The following PRKN variants were observed in gnomAD, a reference collection of about 807,000 sequenced individuals.
PRKN encodes parkin RBR E3 ubiquitin protein ligase.
PRKN carries 56 observed loss-of-function variants against 59.5 expected under a neutral mutation model. The ratio of observed to expected loss-of-function variants is 0.94; its 90% confidence interval spans 0.76 to 1.18. The LOEUF (loss-of-function observed/expected upper bound fraction) is 1.18, where lower values mean the gene tolerates loss of function less well. PRKN is among the 50% of genes most tolerant of loss of function. The pLI, the probability that PRKN is intolerant of heterozygous loss-of-function variation, is 0.00. For missense variants in PRKN, 657 were observed against 596.4 expected (o/e 1.10, Z -1.06); for synonymous variants, 250 against 222.1 (o/e 1.13, Z -1.12).
chr6:161,756,972 A>G (rs1184061984), intron 7 of PRKN, among the ~76,000 whole-genome samples: 2 of 152,216 alleles, frequency 1.3e-5, no homozygotes, highest in African/African-American at 4.8e-5. Flanking sequence ...ACAAAGGTGC[A>G]AGATCAGTTC....
intron 2 of PRKN, among the ~76,000 whole-genome samples, chr6:162,278,077 T>A (rs983432202): frequency 2.6e-5 from 4 of 152,132 alleles, no homozygotes; most frequent in Non-Finnish European, 5.9e-5. Flanking sequence ...CATGGAAAAT[T>A]ATTGAGCACT....
chr6:162,113,102 G>A (rs1583050766), intron 4 of PRKN, among the ~76,000 whole-genome samples: 1 of 152,174 alleles, frequency 6.6e-6, no homozygotes, highest in African/African-American at 2.4e-5. Context: ...GTGGACAAAT[G>A]ATCTGACATC....
At chr6:161,964,527 T>G (rs140607267) in intron 6 of PRKN, among the ~76,000 whole-genome samples, 321 of 152,148 alleles carry the variant, frequency 2.1e-3, no homozygotes, top group Non-Finnish European at 3.2e-3. Flanking sequence ...CTAGAAGATA[T>G]ATCTTTGAAG....
intron 2 of PRKN, among the ~76,000 whole-genome samples, chr6:162,317,329 T>C (rs2128120195): frequency 6.6e-6 from 1 of 152,118 alleles, no homozygotes; most frequent in South Asian, 2.1e-4. Context: ...GTTTTATAAA[T>C]GTGAGTTCCC....
At position 161,349,188 on chromosome 6, in the gene PRKN, G is replaced by A. The variant is rs996187483; in HGVS notation, c.*911C>T. ...TATCATTTTGAAATCATTTCTAAACGTGTTTCCTTTATAGGCACTTTATCT... is the reference window on the plus strand; with the variant it reads ...TATCATTTTGAAATCATTTCTAAACATGTTTCCTTTATAGGCACTTTATCT... On this transcript the variant is annotated 3_prime_UTR_variant, in exon 12 of 12. Transcript: ENST00000366898. This position sits in a 1 kb window ranked among gnomAD's most constrained non-coding sequence, Gnocchi z 5.5. The A allele has an allele frequency of 1.8e-5, 4 of 220,272 alleles. No individual in the cohort carries two copies. The highest frequency in any genetic ancestry group is 3.6e-5 in the Non-Finnish European group (4 of 110,174). The allele number at this position is 220,272 out of a possible 1,614,324, so 13.6% of individuals were successfully genotyped here. A position where few individuals can be genotyped will look rare whatever the true frequency, so the allele number is the denominator to read the frequency against.
intron 7 of PRKN, among the ~76,000 whole-genome samples, chr6:161,712,403 T>C (rs1396307446): frequency 6.6e-6 from 1 of 152,138 alleles, no homozygotes; most frequent in Non-Finnish European, 1.5e-5. Flanking sequence ...TTCCGTATCT[T>C]AGCTCTTAAT....
In PRKN at chr6:162,021,165, T is replaced by TAAAA. The variant is rs1449469319; in HGVS notation, c.618+32922_618+32925dup. Among the ~76,000 whole-genome samples, 3 of 31,378 alleles carry TAAAA rather than the reference T, an allele frequency of 9.6e-5. No individual in the cohort carries two copies. In the East Asian group the frequency reaches 1.1e-3, roughly 12 times the overall value. The allele number at this position is 31,378 out of a possible 152,430, so 20.6% of individuals were successfully genotyped here. ...ATATATATATATATATATATATATA[T>TAAAA]AAAATATATGTGTATATATATTATA... On this transcript the variant is annotated intron_variant, in intron 5 of 11. Coordinates refer to ENST00000366898, the MANE Select transcript of PRKN (RefSeq NM_004562.3).
chr6:162,030,430 T>C (rs772947350), intron 5 of PRKN, among the ~76,000 whole-genome samples: 25 of 152,232 alleles, frequency 1.6e-4, no homozygotes, highest in Non-Finnish European at 3.4e-4. Context: ...GCTGGTCTTC[T>C]TAATGTCACT....
At chr6:162,083,380 C>A (rs983554077) in intron 4 of PRKN, among the ~76,000 whole-genome samples, 3 of 151,954 alleles carry the variant, frequency 2.0e-5, no homozygotes, top group African/African-American at 2.4e-5. Context: ...ATAGACTTGC[C>A]GCTCAATACC....
chr6:162,215,161 C>T (rs540730462), intron 3 of PRKN, among the ~76,000 whole-genome samples: 4 of 152,334 alleles, frequency 2.6e-5, no homozygotes, highest in African/African-American at 9.6e-5. Context: ...TCGTAAGCTA[C>T]ATTCTATCTC....
intron 1 of PRKN, among the ~76,000 whole-genome samples, chr6:162,691,937 C>CAGA (rs1777789287): frequency 6.6e-6 from 1 of 151,760 alleles, no homozygotes; most frequent in Non-Finnish European, 1.5e-5. Context: ...ATCAGGCTTT[C>CAGA]ATGTAAATAG....
chr6:161,806,227 G>C (rs1791313933), intron 6 of PRKN, among the ~76,000 whole-genome samples: 1 of 152,176 alleles, frequency 6.6e-6, no homozygotes, highest in African/African-American at 2.4e-5. Context: ...AGACACCAAA[G>C]TAGTGAAGCA....
At chr6:161,709,130 G>A (rs1414233528) in intron 7 of PRKN, among the ~76,000 whole-genome samples, 4 of 152,090 alleles carry the variant, frequency 2.6e-5, no homozygotes, top group Non-Finnish European at 4.4e-5. Flanking sequence ...ATATAAAGAG[G>A]CATTTATAAA....
rs368754770 is a variant in PRKN at position 161,770,230 on chromosome 6, C to A, written c.871+15542G>T. ...CTTTTGGGAAGGCTGGAGGACAAGG[C>A]GTGTCTTAGGAACACCCAGTAGCTT... On this transcript the variant is annotated intron_variant, in intron 7 of 11. Coordinates refer to ENST00000366898, the MANE Select transcript of PRKN (RefSeq NM_004562.3). Among the ~76,000 whole-genome samples the A allele has an allele frequency of 1.2e-3, 183 of 152,178 alleles. 6 individuals carry two copies. The South Asian group carries it at 0.037, about 31-fold the overall frequency.
At chr6:162,514,228 C>G (rs1777749874) in intron 1 of PRKN, among the ~76,000 whole-genome samples, 1 of 151,508 alleles carries the variant, frequency 6.6e-6, no homozygotes, top group South Asian at 2.1e-4. Flanking sequence ...TCTTTCAAAC[C>G]CTCTTGGTTG....
At chr6:162,529,857 T>C (rs1290162865) in intron 1 of PRKN, among the ~76,000 whole-genome samples, 1 of 152,150 alleles carries the variant, frequency 6.6e-6, no homozygotes, top group Non-Finnish European at 1.5e-5. Context: ...AAGCTGGGCG[T>C]GGTGGCTCAT....
intron 7 of PRKN, among the ~76,000 whole-genome samples, chr6:161,775,482 G>C (rs111922133): frequency 6.6e-6 from 1 of 152,112 alleles, no homozygotes; most frequent in Non-Finnish European, 1.5e-5. Flanking sequence ...AGGCTTAAGT[G>C]ATTCACGTAG....
intron 6 of PRKN, among the ~76,000 whole-genome samples, chr6:161,943,685 G>C (rs1405572954): frequency 6.6e-6 from 1 of 150,986 alleles, no homozygotes; most frequent in African/African-American, 2.4e-5. Context: ...GCATCAGCCT[G>C]AGGAAATACC....
chr6:161,876,267 T>A (rs1794728144), intron 6 of PRKN, among the ~76,000 whole-genome samples: 1 of 152,182 alleles, frequency 6.6e-6, no homozygotes, highest in Non-Finnish European at 1.5e-5. Context: ...GAGATTATTG[T>A]CTTTCCATTT....
Sources: gnomAD v4.1 joint callset for allele counts (sites outside exome capture counted in the v4.1 genomes callset) on GRCh38, gnomAD v4.1.1 for gene constraint, Gnocchi (gnomAD v3.1) non-coding constraint, MANE v1.5 for transcripts, NCBI Gene and HGNC (gene_info 2026-07-23, HGNC 2026-07-21) for gene names.